PCDH9: variants seen among roughly 807,000 people sequenced by gnomAD.
PCDH9 encodes the protein protocadherin-9.
Under a neutral mutation model 70.6 loss-of-function variants are expected in PCDH9, and 24 were observed. The ratio of observed to expected loss-of-function variants is 0.34; its 90% confidence interval spans 0.25 to 0.48. The LOEUF (loss-of-function observed/expected upper bound fraction) is 0.48. PCDH9 is among the 20% of genes least tolerant of loss of function. PCDH9 has a pLI of 0.99. For synonymous variants in PCDH9, 562 were observed against 558.5 expected (o/e 1.01, Z -0.09); for missense variants, 1,281 against 1,503.6 (o/e 0.85, Z 2.45).
chr13:66,400,739 GCA>G (rs1308272750), intron 4 of PCDH9, among the ~76,000 whole-genome samples: 7 of 152,098 alleles, frequency 4.6e-5, no homozygotes, highest in Admixed American at 2.0e-4. Flanking sequence ...AGTGGAAAAT[GCA>G]CAGTTTTTTT....
intron 3 of PCDH9, among the ~76,000 whole-genome samples, chr13:66,633,355 T>G (rs755986843): frequency 2.0e-5 from 3 of 152,214 alleles, no homozygotes; most frequent in Non-Finnish European, 2.9e-5. Context: ...AATATTAATA[T>G]CTGAAATGTA....
intron 4 of PCDH9, among the ~76,000 whole-genome samples, chr13:66,426,299 C>A (rs1183860050): frequency 6.6e-6 from 1 of 151,386 alleles, no homozygotes; most frequent in Non-Finnish European, 1.5e-5. Context: ...CAGTAGACCC[C>A]ATAGTTCTAA....
At chr13:67,222,221 C>T (rs1357867623) in intron 2 of PCDH9, 1 of 141,998 alleles carries the variant, frequency 7.0e-6, no homozygotes, top group Admixed American at 7.4e-5. Context: ...TCCTCTTCAC[C>T]TTTTGGCTGT....
chr13:66,527,400 C>A (rs1960263845), intron 4 of PCDH9, among the ~76,000 whole-genome samples: 1 of 152,116 alleles, frequency 6.6e-6, no homozygotes, highest in Admixed American at 6.6e-5. Context: ...CCCTACTACT[C>A]TGACCTACAG....
At chr13:66,712,054 C>T (rs1431659804) in intron 3 of PCDH9, among the ~76,000 whole-genome samples, 1 of 152,092 alleles carries the variant, frequency 6.6e-6, no homozygotes, top group Non-Finnish European at 1.5e-5. Flanking sequence ...TGCTAAAGCT[C>T]TTACTTGTGA....
intron 4 of PCDH9, among the ~76,000 whole-genome samples, chr13:66,534,132 A>T (rs1359075009): frequency 6.6e-6 from 1 of 152,174 alleles, no homozygotes; most frequent in Non-Finnish European, 1.5e-5. Flanking sequence ...CTACCATGTC[A>T]CACTGATATA....
intron 4 of PCDH9, among the ~76,000 whole-genome samples, chr13:66,577,454 A>T (rs888305407): frequency 2.5e-4 from 38 of 152,060 alleles, no homozygotes; most frequent in African/African-American, 8.7e-4. Context: ...CTATATTATC[A>T]ATATTATATG....
chr13:66,842,638 T>C (rs2139432385), intron 3 of PCDH9, among the ~76,000 whole-genome samples: 1 of 152,324 alleles, frequency 6.6e-6, no homozygotes, highest in East Asian at 1.9e-4. Flanking sequence ...GTGAATAAAA[T>C]GACAAAATAG....
intron 4 of PCDH9, among the ~76,000 whole-genome samples, chr13:66,588,415 T>C (rs1414997951): frequency 1.3e-5 from 2 of 152,004 alleles, no homozygotes; most frequent in Non-Finnish European, 2.9e-5. Flanking sequence ...CCATCTCATT[T>C]ATGAATCAAT....
At chr13:66,900,576 C>T (rs369945564) in intron 3 of PCDH9, among the ~76,000 whole-genome samples, 1 of 151,686 alleles carries the variant, frequency 6.6e-6, no homozygotes, top group Non-Finnish European at 1.5e-5. Context: ...GCTGATATAA[C>T]ATTTCTCTAT....
intron 3 of PCDH9, among the ~76,000 whole-genome samples, chr13:66,848,651 G>T (rs1364313325): frequency 6.6e-6 from 1 of 151,902 alleles, no homozygotes; most frequent in Non-Finnish European, 1.5e-5. Flanking sequence ...AAAATCGGCC[G>T]GGCGCGGTGG....
chr13:66,357,241 A>G (rs1956399221), intron 4 of PCDH9, among the ~76,000 whole-genome samples: 1 of 151,990 alleles, frequency 6.6e-6, no homozygotes, highest in South Asian at 2.1e-4. Flanking sequence ...CCAATGGGTA[A>G]AGAGAAGTGT....
intron 3 of PCDH9, among the ~76,000 whole-genome samples, chr13:66,817,981 T>C (rs2080638785): frequency 6.6e-6 from 1 of 152,158 alleles, no homozygotes; most frequent in East Asian, 1.9e-4. Context: ...ATTTTTAAGA[T>C]TCTAAAGAAC....
At chr13:66,486,979 GT>G (rs1958954368) in intron 4 of PCDH9, among the ~76,000 whole-genome samples, 2 of 152,126 alleles carry the variant, frequency 1.3e-5, no homozygotes, top group South Asian at 4.1e-4. Context: ...ACCATTGATG[GT>G]GTGCATATAC....
At chr13:67,002,547 ATT>A (rs1449714027) in intron 2 of PCDH9, among the ~76,000 whole-genome samples, 1 of 151,548 alleles carries the variant, frequency 6.6e-6, no homozygotes, top group East Asian at 1.9e-4. Flanking sequence ...AAATATTTAC[ATT>A]TCTCATTTCT....
At chr13:66,583,144 G>A (rs980554685) in intron 4 of PCDH9, among the ~76,000 whole-genome samples, 25 of 148,504 alleles carry the variant, frequency 1.7e-4, no homozygotes, top group Non-Finnish European at 3.0e-4. Flanking sequence ...TTGGCGTCAT[G>A]AACTATTTGC....
intron 4 of PCDH9, among the ~76,000 whole-genome samples, chr13:66,437,762 T>C (rs1713945033): frequency 1.3e-5 from 2 of 152,030 alleles, no homozygotes; most frequent in African/African-American, 4.8e-5. Flanking sequence ...CTGAAAAAAA[T>C]GCATGTCTTA....
intron 3 of PCDH9, among the ~76,000 whole-genome samples, chr13:66,846,678 T>C (rs1283199953): frequency 6.6e-6 from 1 of 152,120 alleles, no homozygotes; most frequent in African/African-American, 2.4e-5. Flanking sequence ...TAGAGTCCCT[T>C]TGTATCAGGT....
At chr13:66,893,016 A>G (rs1005109193) in intron 3 of PCDH9, among the ~76,000 whole-genome samples, 13 of 152,296 alleles carry the variant, frequency 8.5e-5, no homozygotes, top group Admixed American at 2.6e-4. Context: ...TGCGTGACCT[A>G]GGCCAGTATT....
Sources: allele counts gnomAD v4.1 joint callset (sites outside exome capture counted in the v4.1 genomes callset), GRCh38; gene constraint gnomAD v4.1.1; transcripts MANE v1.5; gene names NCBI Gene and HGNC (gene_info 2026-07-23, HGNC 2026-07-21).